The following CYFIP2 variants were observed in gnomAD, a reference collection of about 807,000 sequenced individuals.
The protein encoded by CYFIP2 is cytoplasmic FMR1 interacting protein 2.
In CYFIP2, 29 loss-of-function variants were observed where a neutral mutation model predicts 158.7. That is an observed-to-expected ratio of 0.18 (90% CI 0.14 to 0.25). The LOEUF is 0.25. Ranked by LOEUF, CYFIP2 falls within the 10% of genes least tolerant of loss-of-function variation. CYFIP2 has a pLI of 1.00. For missense variants in CYFIP2, 852 were observed against 1,639.5 expected (o/e 0.52, Z 8.29); for synonymous variants, 585 against 617.6 (o/e 0.95, Z 0.78).
At chr5:157,343,158 C>G (rs780016703) in intron 23 of CYFIP2, 4 of 1,614,072 alleles carry the variant, frequency 2.5e-6, no homozygotes, top group African/African-American at 1.3e-5. Flanking sequence ...AAGGCCAAGA[C>G]GGCTGTGAAG....
intron 21 of CYFIP2, 48 bp downstream of exon 21, chr5:157,333,494 C>A (rs1181998634): frequency 6.2e-7 from 1 of 1,613,076 alleles, no homozygotes; most frequent in East Asian, 2.2e-5. Flanking sequence ...ATTTCTCAGA[C>A]TAGAAGCCTA....
intron 19 of CYFIP2, 141 bp downstream of exon 19, chr5:157,328,190 A>G (rs1761174625): frequency 1.3e-6 from 1 of 763,854 alleles, no homozygotes; most frequent in African/African-American, 1.8e-5. Flanking sequence ...GGGTGCTGAG[A>G]TAGAGTGGAA....
chr5:157,382,625 A>T lies in CYFIP2; in HGVS notation c.3075A>T (p.Ala1025=). ...AGGTCTGCGATTTGCTCCATGCCGC[A>T]CCCTTCCAAAACATCTTGCCTAGAG... ...QEEVCDLLHA[A]PFQNILPRVY... is the part of the protein sequence containing the mutation. The change falls in exon 27 of 31, where the codon GCA becomes GCT. Residue 1025 remains alanine (A), a synonymous_variant. Transcript: ENST00000620254. 1.2e-6 allele frequency: 2 copies of T among 1,613,982 alleles called. No homozygotes were observed. The highest frequency in any genetic ancestry group is 1.7e-6 in the Non-Finnish European group (2 of 1,179,892).
chr5:157,300,327 G>A (rs757032949), intron 5 of CYFIP2, among the ~76,000 whole-genome samples: 11 of 151,988 alleles, frequency 7.2e-5, no homozygotes, highest in East Asian at 1.9e-4. Context: ...ACAAGGTCAC[G>A]AGATTGAGAC....
chr5:157,375,387 G>A (rs529891212), intron 26 of CYFIP2, among the ~76,000 whole-genome samples: 3 of 152,336 alleles, frequency 2.0e-5, no homozygotes, highest in East Asian at 3.9e-4. Context: ...ATGAGGCCAA[G>A]GGGAAGGGCA....
intron 26 of CYFIP2, among the ~76,000 whole-genome samples, chr5:157,365,692 A>G (rs183890682): frequency 2.0e-5 from 3 of 151,168 alleles, no homozygotes; most frequent in South Asian, 2.1e-4. Flanking sequence ...TTCCGCAAGG[A>G]ATCGTAGTTC....
intron 23 of CYFIP2, among the ~76,000 whole-genome samples, chr5:157,349,162 G>A (rs1179060515): frequency 6.6e-6 from 1 of 152,056 alleles, no homozygotes; most frequent in Non-Finnish European, 1.5e-5. Context: ...GGGAACAGGT[G>A]GTTTTTGGTT....
At chr5:157,326,072 C>T (rs1210648940) in intron 17 of CYFIP2, 99 bp from the exon 18 acceptor site, 11 of 922,720 alleles carry the variant, frequency 1.2e-5, no homozygotes, top group East Asian at 2.4e-5. Flanking sequence ...ATGGTCTTTT[C>T]CTGACTGTGA....
intron 23 of CYFIP2, chr5:157,342,802 A>G: frequency 6.7e-7 from 1 of 1,499,384 alleles, no homozygotes; most frequent in Non-Finnish European, 9.0e-7. Flanking sequence ...ACATTTGTAC[A>G]AACGACCTAC....
Position 157,271,700 on chromosome 5 carries a change from T to C in CYFIP2, c.-24+5505T>C, listed in dbSNP as rs548179029. ...TCCACATTTTACAGACAGAGAAATT[T>C]GCCCTTTTAGAGTGAGTGAAAATGT... On this transcript the variant is annotated intron_variant, in intron 1 of 30. Transcript: ENST00000620254. 5 of 152,340 alleles carry C rather than the reference T, an allele frequency of 3.3e-5. No individual in the cohort carries two copies. In the East Asian group the frequency reaches 9.6e-4, roughly 29 times the overall value. The allele number at this position is 152,340 out of a possible 1,614,324, so 9.4% of individuals were successfully genotyped here.
chr5:157,308,440 T>A (rs935032551), intron 9 of CYFIP2, among the ~76,000 whole-genome samples: 9 of 152,204 alleles, frequency 5.9e-5, no homozygotes, highest in African/African-American at 1.9e-4. Context: ...TGGCCACAGA[T>A]CTTTAAAAAT....
At position 157,287,194 on chromosome 5, in the gene CYFIP2, G is replaced by T. The variant is rs948250670; in HGVS notation, c.207+86G>T. On this transcript the variant is annotated intron_variant, in intron 3 of 30. Transcript: ENST00000620254. Reference sequence around the variant, plus strand: ...GCAGCTTCTCACACCAGAGGCATGTGCTCAGCTACTCTAAGAACCCCCTGC... The same window carrying T: ...GCAGCTTCTCACACCAGAGGCATGTTCTCAGCTACTCTAAGAACCCCCTGC... 1.4e-5 allele frequency: 15 copies of T among 1,035,394 alleles called. No homozygotes were observed. In the Admixed American group the frequency reaches 1.5e-4, roughly 10 times the overall value. 64.1% of individuals were successfully genotyped at this position (1,035,394 alleles called of 1,614,324 possible).
At position 157,319,767 on chromosome 5, in the gene CYFIP2, C is replaced by A; in HGVS notation, c.1362C>A (p.Ile454=). 6.2e-7 allele frequency: 1 copy of A among 1,613,904 alleles called. No individual in the cohort carries two copies. The highest frequency in any genetic ancestry group is 2.2e-5 in the East Asian group (1 of 44,872). ...CTTGGCCTCTTCCTGCCCAGGTGAT[C>A]GCCATGATCAAAGGCCTGCAGGTGC... The part of the protein sequence containing the change: ...SEEKFAFVEV[I]AMIKGLQVLM... The change falls in exon 14 of 31, where the codon ATC becomes ATA. Residue 454 remains isoleucine (I), a synonymous_variant. Coordinates refer to ENST00000620254, the MANE Select transcript of CYFIP2 (RefSeq NM_001037333.3).
At chr5:157,325,459 G>T in intron 16 of CYFIP2, 23 bp from the exon 17 acceptor site, 1 of 1,576,966 alleles carries the variant, frequency 6.3e-7, no homozygotes, top group Non-Finnish European at 8.6e-7. Context: ...AGTAACCAAA[G>T]GCTCGTTCCC....
chr5:157,377,544 A>G (rs146684294), intron 26 of CYFIP2, among the ~76,000 whole-genome samples: 2 of 152,244 alleles, frequency 1.3e-5, no homozygotes, highest in East Asian at 3.9e-4. Context: ...AGAATTGCCC[A>G]TTCTAGTTTT....
rs890580643 is a variant in CYFIP2, at chr5:157,393,101, T to G, written c.*101T>G. ...GGATCCAACTGGACAACGTGTGGGA[T>G]GGACCTGGAAACAAGCACCTCCCCA... is the stretch of plus-strand genomic sequence containing the variant. On this transcript the variant is annotated 3_prime_UTR_variant, in exon 31 of 31. Coordinates refer to ENST00000620254, the MANE Select transcript of CYFIP2 (RefSeq NM_001037333.3). 3.5e-6 allele frequency: 5 copies of G among 1,417,978 alleles called. No individual in the cohort carries two copies. In the African/African-American group the frequency reaches 7.2e-5, roughly 20 times the overall value. The allele number at this position is 1,417,978 out of a possible 1,614,324, so 87.8% of individuals were successfully genotyped here.
intron 16 of CYFIP2, chr5:157,324,739 A>G (rs1294557079): frequency 6.7e-6 from 1 of 148,194 alleles, no homozygotes; most frequent in Non-Finnish European, 1.5e-5. Flanking sequence ...CTGTGTTTGT[A>G]TAATGAACAC....
At chr5:157,356,954 T>G (rs892355397) in intron 23 of CYFIP2, among the ~76,000 whole-genome samples, 2 of 152,226 alleles carry the variant, frequency 1.3e-5, no homozygotes, top group African/African-American at 2.4e-5. Flanking sequence ...CATCATACTC[T>G]TAAGTCAGTT....
In CYFIP2 at chr5:157,323,479, G is replaced by C. The variant is rs566771111; in HGVS notation, c.1672-442G>C. On this transcript the variant is annotated intron_variant, in intron 15 of 30. Transcript: ENST00000620254. ...CCTCATGTTACATGAGACAACTGAG[G>C]CCCAGAGTGGGGGCTTTGTTGCCTA... 7.2e-5 allele frequency among the ~76,000 whole-genome samples: 11 copies of C among 152,324 alleles called. No individual in the cohort carries two copies. The South Asian group carries it at 2.3e-3, about 32-fold the overall frequency.
Sources: gnomAD v4.1 joint callset for allele counts (sites outside exome capture counted in the v4.1 genomes callset) on GRCh38, gnomAD v4.1.1 for gene constraint, MANE v1.5 for transcripts, NCBI Gene and HGNC (gene_info 2026-07-23, HGNC 2026-07-21) for gene names.